The following CTNNA3 variants were observed in gnomAD, a reference collection of about 807,000 sequenced individuals.
The protein encoded by CTNNA3 is catenin alpha-3.
CTNNA3 carries 76 observed loss-of-function variants against 95.7 expected under a neutral mutation model. That is an observed-to-expected ratio of 0.79 (90% CI 0.66 to 0.96). The LOEUF (loss-of-function observed/expected upper bound fraction) is 0.96. CTNNA3 is among the 40% of genes least tolerant of loss of function. The pLI, the probability that CTNNA3 is intolerant of heterozygous loss-of-function variation, is 0.00. For missense variants in CTNNA3, 1,191 were observed against 1,089.8 expected (o/e 1.09, Z -1.31); for synonymous variants, 431 against 374.4 (o/e 1.15, Z -1.74).
At chr10:66,559,179 A>G (rs1020347604) in intron 10 of CTNNA3, among the ~76,000 whole-genome samples, 2 of 151,974 alleles carry the variant, frequency 1.3e-5, no homozygotes, top group Non-Finnish European at 2.9e-5. Context: ...CCTTCTAGCT[A>G]TTCTTCTTCT....
intron 14 of CTNNA3, among the ~76,000 whole-genome samples, chr10:66,097,543 T>G (rs1482384014): frequency 6.6e-6 from 1 of 152,150 alleles, no homozygotes; most frequent in East Asian, 1.9e-4. Flanking sequence ...GAAGGTCATA[T>G]GGACAGTAAT....
At chr10:67,240,451 C>T (rs1865674020) in intron 5 of CTNNA3, among the ~76,000 whole-genome samples, 1 of 152,138 alleles carries the variant, frequency 6.6e-6, no homozygotes, top group South Asian at 2.1e-4. Flanking sequence ...GGTGAAACAA[C>T]AGTAGGCTTC....
intron 5 of CTNNA3, among the ~76,000 whole-genome samples, chr10:67,437,982 C>T (rs139001517): frequency 7.5e-4 from 113 of 150,606 alleles, no homozygotes; most frequent in African/African-American, 2.7e-3. Context: ...GTAGAATAAG[C>T]TTATAATTAC....
In CTNNA3 at chr10:66,520,791, G is replaced by A. The variant is rs1184016605; in HGVS notation, c.1375-18C>T. The A allele has an allele frequency of 6.2e-7, 1 of 1,604,098 alleles. No homozygotes were observed. The highest frequency in any genetic ancestry group is 2.2e-5 in the East Asian group (1 of 44,466). ...TTAATAATCTATAAAGATAAGGATTGAAAAAATTACCTATTGGTTGCAATG... is the reference window on the plus strand; with the variant it reads ...TTAATAATCTATAAAGATAAGGATTAAAAAAATTACCTATTGGTTGCAATG... On this transcript the variant is annotated intron_variant, in intron 10 of 17. Transcript: ENST00000433211.
intron 11 of CTNNA3, among the ~76,000 whole-genome samples, chr10:66,491,653 G>A (rs1296532459): frequency 1.3e-5 from 2 of 152,042 alleles, no homozygotes; most frequent in Non-Finnish European, 2.9e-5. Flanking sequence ...AAATGGATTA[G>A]GGAAAAATTT....
At chr10:66,647,639 T>C (rs868421423) in intron 9 of CTNNA3, among the ~76,000 whole-genome samples, 130 of 151,354 alleles carry the variant, frequency 8.6e-4, no homozygotes, top group African/African-American at 3.0e-3. Flanking sequence ...GCCTCCCGAG[T>C]AGCTGGGACT....
chr10:66,734,238 T>C (rs989834235), intron 9 of CTNNA3, among the ~76,000 whole-genome samples: 12 of 152,076 alleles, frequency 7.9e-5, no homozygotes, highest in African/African-American at 2.9e-4. Context: ...TTCTTCTCTC[T>C]CTTTTCTTCT....
chr10:66,075,666 G>A (rs993007683), intron 14 of CTNNA3, among the ~76,000 whole-genome samples: 2 of 151,742 alleles, frequency 1.3e-5, no homozygotes, highest in African/African-American at 4.8e-5. Context: ...TAGAAATATA[G>A]CGCCATTATA....
chr10:67,282,559 TTA>T (rs1228410203), intron 5 of CTNNA3, among the ~76,000 whole-genome samples: 5 of 152,254 alleles, frequency 3.3e-5, no homozygotes, highest in Non-Finnish European at 7.3e-5. Context: ...TTCTCACATT[TTA>T]TGTTTTGCTC....
chr10:66,581,481 AT>A (rs1843187179), intron 10 of CTNNA3, among the ~76,000 whole-genome samples: 1 of 151,272 alleles, frequency 6.6e-6, no homozygotes, highest in South Asian at 2.1e-4. Flanking sequence ...TGTGGTTTTA[AT>A]TTGCATTTCC....
intron 11 of CTNNA3, among the ~76,000 whole-genome samples, chr10:66,399,044 T>C (rs1379775629): frequency 1.3e-5 from 2 of 152,072 alleles, no homozygotes; most frequent in African/African-American, 4.8e-5. Flanking sequence ...GTAATTTCAC[T>C]GATATCTATG....
At chr10:67,740,098 T>A (rs1841326785) in intron 1 of CTNNA3, among the ~76,000 whole-genome samples, 3 of 152,196 alleles carry the variant, frequency 2.0e-5, no homozygotes, top group Non-Finnish European at 4.4e-5. Flanking sequence ...GAAAACTGGC[T>A]AGCCATATGT....
intron 7 of CTNNA3, among the ~76,000 whole-genome samples, chr10:66,862,863 G>A (rs1189644348): frequency 6.6e-6 from 1 of 152,122 alleles, no homozygotes; most frequent in Non-Finnish European, 1.5e-5. Context: ...CCTAAGGTGG[G>A]TGGGCCATAT....
At chr10:66,826,682 T>C (rs7920397) in intron 7 of CTNNA3, among the ~76,000 whole-genome samples, 27,021 of 152,156 alleles carry the variant, frequency 0.18, 3,058 homozygotes, top group East Asian at 0.42. Flanking sequence ...GTTTGAGATA[T>C]ATATTTTAGC....
At chr10:67,096,610 G>A (rs2131929632) in intron 7 of CTNNA3, among the ~76,000 whole-genome samples, 1 of 152,002 alleles carries the variant, frequency 6.6e-6, no homozygotes, top group East Asian at 1.9e-4. Context: ...TTTAGGACAA[G>A]TTTTTATCTT....
chr10:66,475,896 A>G (rs1168662404), intron 11 of CTNNA3, among the ~76,000 whole-genome samples: 1 of 152,170 alleles, frequency 6.6e-6, no homozygotes, highest in East Asian at 1.9e-4. Flanking sequence ...TCATCCTATT[A>G]TAAAGACACA....
rs1554881123 is a variant in CTNNA3, at chr10:67,755,819, A to AG, written c.-2+7614_-2+7615insC. ...CTCTGCCTCAAAAAAAAAAAAAAAA[A>AG]AAAGAAAGAAAGAAAGAAAAGAAAA... is the stretch of plus-strand genomic sequence containing the variant. On this transcript the variant is annotated intron_variant, in intron 1 of 17. Coordinates refer to the CTNNA3 transcript ENST00000684154. Among the ~76,000 whole-genome samples the AG allele has an allele frequency of 8.2e-3, 1,183 of 145,048 alleles. 20 individuals carry two copies. Among genetic ancestry groups the AG allele is most frequent in the African/African-American group, 0.029 (1,103 of 38,554 alleles).
chr10:66,464,700 T>A (rs1029879048), intron 11 of CTNNA3, among the ~76,000 whole-genome samples: 1 of 151,824 alleles, frequency 6.6e-6, no homozygotes, highest in Non-Finnish European at 1.5e-5. Context: ...GAGACAGAGG[T>A]TGCAGTTAGC....
chr10:66,159,599 A>T (rs1351073496), intron 13 of CTNNA3, among the ~76,000 whole-genome samples: 2 of 142,388 alleles, frequency 1.4e-5, no homozygotes, highest in Admixed American at 7.0e-5. Context: ...TTCATCAAAG[A>T]TATTGGTCTT....
Sources: gnomAD v4.1 joint callset for allele counts (sites outside exome capture counted in the v4.1 genomes callset) on GRCh38, gnomAD v4.1.1 for gene constraint, MANE v1.5 for transcripts, NCBI Gene and HGNC (gene_info 2026-07-23, HGNC 2026-07-21) for gene names.